Variants in YTHDC1 observed in about 807,000 individuals in gnomAD.
The protein encoded by YTHDC1 is YTH N6-methyladenosine RNA binding protein C1, also known as YTH domain-containing protein 1.
YTHDC1 carries 12 observed loss-of-function variants against 107.0 expected under a neutral mutation model. The observed-to-expected ratio is 0.11, with a 90% CI of 0.07 to 0.18. The LOEUF (loss-of-function observed/expected upper bound fraction) is 0.18. Among genes scored for constraint, YTHDC1 ranks in the 10% least tolerant of loss-of-function variants. YTHDC1 has a pLI of 1.00. For synonymous variants in YTHDC1, 280 were observed against 289.5 expected (o/e 0.97, Z 0.33); for missense variants, 635 against 898.8 (o/e 0.71, Z 3.75).
intron 4 of YTHDC1, among the ~76,000 whole-genome samples, chr4:68,333,967 A>G (rs527482693): frequency 1.3e-5 from 2 of 152,056 alleles, no homozygotes; most frequent in Non-Finnish European, 2.9e-5. Flanking sequence ...TCCTCCCTGG[A>G]TTACTGCTCT....
At chr4:68,339,435 T>A (rs972634697) in intron 1 of YTHDC1, among the ~76,000 whole-genome samples, 1 of 152,200 alleles carries the variant, frequency 6.6e-6, no homozygotes, top group Non-Finnish European at 1.5e-5. Flanking sequence ...ACTGGTGAAA[T>A]CTGAATAAAG....
intron 15 of YTHDC1, among the ~76,000 whole-genome samples, chr4:68,317,118 G>C (rs982708996): frequency 6.6e-6 from 1 of 152,128 alleles, no homozygotes; most frequent in Non-Finnish European, 1.5e-5. Context: ...CACCTACTCA[G>C]GAAGCTGAGG....
In YTHDC1 at chr4:68,337,671, A is replaced by G; in HGVS notation, c.360T>C (p.Ser120=). Residue 120 remains serine (S), a synonymous_variant, in exon 3 of 17, where the codon AGT becomes AGC. Coordinates refer to ENST00000344157, the MANE Select transcript of YTHDC1 (RefSeq NM_001031732.4). ...DADRKIRLSS[S]ASREPYKNQP... ...GATTCTTATAAGGTTCTCTGGAGGC[A>G]CTACTTGATAGACGAATTTTCCGAT... 6.2e-7 allele frequency: 1 copy of G among 1,614,138 alleles called. No individual in the cohort carries two copies. Among genetic ancestry groups the G allele is most frequent in the Non-Finnish European group, 8.5e-7 (1 of 1,180,020 alleles).
At chr4:68,315,709 G>C (rs2109675692) in intron 16 of YTHDC1, 1 of 152,036 alleles carries the variant, frequency 6.6e-6, no homozygotes, top group African/African-American at 2.4e-5. Context: ...TTTTTTCACT[G>C]GTCCTGTTTT....
At chr4:68,315,663 TAAAAACCCA>T (rs1349807393) in intron 16 of YTHDC1, among the ~76,000 whole-genome samples, 3 of 152,132 alleles carry the variant, frequency 2.0e-5, no homozygotes. Flanking sequence ...CCCCACTAGT[TAAAAACCCA>T]GAAAACTCAA....
In YTHDC1 at chr4:68,313,317, G is replaced by A. The variant is rs1721448198; in HGVS notation, c.*782C>T. 1 of 152,470 alleles carries A rather than the reference G, an allele frequency of 6.6e-6. No homozygotes were observed. Among genetic ancestry groups the A allele is most frequent in the African/African-American group, 2.4e-5 (1 of 41,398 alleles). The allele number at this position is 152,470 out of a possible 1,614,324, so 9.4% of individuals were successfully genotyped here. A position where few individuals can be genotyped will look rare whatever the true frequency, so the allele number is the denominator to read the frequency against. On this transcript the variant is annotated 3_prime_UTR_variant, in exon 17 of 17. Coordinates refer to ENST00000344157, the MANE Select transcript of YTHDC1 (RefSeq NM_001031732.4). ...AATTGGATAAGAAAAAGATACAAAA[G>A]ATAACCGTCAATCTTTACCAATTTA... is the stretch of plus-strand genomic sequence containing the variant.
intron 5 of YTHDC1, 99 bp from the exon 6 acceptor site, chr4:68,332,946 T>C: frequency 1.9e-6 from 2 of 1,037,914 alleles, no homozygotes. Context: ...TCAAGACAAA[T>C]TATTCTTCCT....
chr4:68,342,020 A>G (rs1724858430), intron 1 of YTHDC1, among the ~76,000 whole-genome samples: 2 of 152,202 alleles, frequency 1.3e-5, no homozygotes, highest in African/African-American at 4.8e-5. Context: ...GCTATGTGAT[A>G]TATATAAAAT....
intron 9 of YTHDC1, among the ~76,000 whole-genome samples, chr4:68,325,430 A>G (rs1722890265): frequency 6.6e-6 from 1 of 152,232 alleles, no homozygotes; most frequent in South Asian, 2.1e-4. Flanking sequence ...TTTGAAACAA[A>G]GAGAAGGGCT....
At chr4:68,349,129 C>G (rs1322468897) in intron 1 of YTHDC1, among the ~76,000 whole-genome samples, 2 of 152,176 alleles carry the variant, frequency 1.3e-5, no homozygotes, top group African/African-American at 2.4e-5. Context: ...CTAAGTCACA[C>G]AGTCATCTTT....
At chr4:68,344,641 G>A (rs1725219290) in intron 1 of YTHDC1, among the ~76,000 whole-genome samples, 1 of 152,162 alleles carries the variant, frequency 6.6e-6, no homozygotes, top group South Asian at 2.1e-4. Context: ...GTATAATCAC[G>A]TGTGAATGTT....
chr4:68,335,959 A>G (rs1279299449), intron 4 of YTHDC1, among the ~76,000 whole-genome samples: 3 of 149,810 alleles, frequency 2.0e-5, no homozygotes, highest in African/African-American at 7.3e-5. Flanking sequence ...TGCTCTACCT[A>G]TACTGTATGT....
Position 68,350,014 on chromosome 4 carries a change from A to T in YTHDC1, c.-261T>A. On this transcript the variant is annotated 5_prime_UTR_variant, in exon 1 of 17. Transcript: ENST00000344157. ...GACTCGGGCTAGGTATGGGGGAGGGAAGGGAAACAGATGGCGACGGCGGGC... is the reference window on the plus strand; with the variant it reads ...GACTCGGGCTAGGTATGGGGGAGGGTAGGGAAACAGATGGCGACGGCGGGC... 1.8e-6 allele frequency: 1 copy of T among 567,036 alleles called. No homozygotes were observed. Among genetic ancestry groups the T allele is most frequent in the Non-Finnish European group, 3.1e-6 (1 of 320,632 alleles). 35.1% of individuals were successfully genotyped at this position (567,036 alleles called of 1,614,324 possible).
chr4:68,346,078 CAT>C (rs34633749), intron 1 of YTHDC1, among the ~76,000 whole-genome samples: 22,905 of 132,624 alleles, frequency 0.17, 2,096 homozygotes, highest in Admixed American at 0.28. Flanking sequence ...TGTGTGTGTA[CAT>C]ATATATATAT....
intron 1 of YTHDC1, among the ~76,000 whole-genome samples, chr4:68,348,010 A>C (rs1294429121): frequency 6.6e-6 from 1 of 152,242 alleles, no homozygotes; most frequent in Non-Finnish European, 1.5e-5. Flanking sequence ...AAACTAAGCA[A>C]ATGTGAGGCA....
At chr4:68,348,281 G>A (rs1021509501) in intron 1 of YTHDC1, among the ~76,000 whole-genome samples, 2 of 151,996 alleles carry the variant, frequency 1.3e-5, no homozygotes, top group African/African-American at 4.8e-5. Flanking sequence ...TTTTGTGTTT[G>A]GTTCATTTCG....
chr4:68,331,019 C>T, intron 7 of YTHDC1, among the ~76,000 whole-genome samples: 1 of 152,084 alleles, frequency 6.6e-6, no homozygotes, highest in Non-Finnish European at 1.5e-5. Context: ...GGGACTGGTT[C>T]CAGGACCCAT....
intron 9 of YTHDC1, among the ~76,000 whole-genome samples, chr4:68,326,348 A>G (rs1722988725): frequency 6.6e-6 from 1 of 152,188 alleles, no homozygotes; most frequent in Non-Finnish European, 1.5e-5. Flanking sequence ...GAGGCAAAAC[A>G]GGGCTCAGAA....
chr4:68,327,761 T>C (rs549976810), intron 9 of YTHDC1, among the ~76,000 whole-genome samples: 1 of 152,322 alleles, frequency 6.6e-6, no homozygotes, highest in Non-Finnish European at 1.5e-5. Flanking sequence ...ATTCTCACTA[T>C]ATAGAGAGAA....
Sources: allele counts gnomAD v4.1 joint callset (sites outside exome capture counted in the v4.1 genomes callset), GRCh38; gene constraint gnomAD v4.1.1; transcripts MANE v1.5; gene names NCBI Gene and HGNC (gene_info 2026-07-23, HGNC 2026-07-21).